RCAN1: variants seen among roughly 807,000 people sequenced by gnomAD.
RCAN1 encodes the protein regulator of calcineurin 1.
In RCAN1, 11 loss-of-function variants were observed where a neutral mutation model predicts 22.9. That is an observed-to-expected ratio of 0.48 (90% confidence interval 0.30 to 0.79). The LOEUF (loss-of-function observed/expected upper bound fraction) is 0.79, where lower values mean the gene tolerates loss of function less well. RCAN1 is among the 30% of genes least tolerant of loss of function. The probability of loss-of-function intolerance (pLI) is 0.06; values close to 1 mark genes in which losing one functional copy is unlikely to be tolerated. For synonymous variants in RCAN1, 136 were observed against 142.3 expected, an observed-to-expected ratio of 0.96 and a Z score of 0.32; for missense variants, 291 against 337.8, an observed-to-expected ratio of 0.86 and a Z score of 1.09.
chr21:34,611,763 G>A (rs973469126), intron 1 of RCAN1, among the ~76,000 whole-genome samples: 1 of 152,150 alleles, frequency 6.6e-6, no homozygotes, highest in Non-Finnish European at 1.5e-5. Context: ...TTAACAGTAA[G>A]ACTGCCACAT....
chr21:34,590,447 G>A (rs1243630800), intron 1 of RCAN1, among the ~76,000 whole-genome samples: 7 of 152,198 alleles, frequency 4.6e-5, no homozygotes, highest in African/African-American at 1.4e-4. Context: ...ACACCTCATA[G>A]GATACTAACT....
intron 1 of RCAN1, among the ~76,000 whole-genome samples, chr21:34,536,132 C>T (rs1439324514): frequency 3.9e-5 from 6 of 152,052 alleles, no homozygotes; most frequent in East Asian, 1.9e-4. Flanking sequence ...TTCTTGGAAA[C>T]GCACTGCTTG....
At chr21:34,525,300 C>T (rs1313197784) in intron 1 of RCAN1, 6 of 1,541,490 alleles carry the variant, frequency 3.9e-6, no homozygotes, top group Middle Eastern at 3.7e-4. Flanking sequence ...CGACCTTGCT[C>T]TCCTTGCATT....
At chr21:34,605,532 T>C (rs1484613397) in intron 1 of RCAN1, among the ~76,000 whole-genome samples, 5 of 152,200 alleles carry the variant, frequency 3.3e-5, no homozygotes, top group Non-Finnish European at 5.9e-5. Context: ...CTGTTTCCCG[T>C]AGGTAAAAAC....
chr21:34,594,006 C>G (rs1988062491), intron 1 of RCAN1, among the ~76,000 whole-genome samples: 1 of 152,064 alleles, frequency 6.6e-6, no homozygotes, highest in African/African-American at 2.4e-5. Flanking sequence ...ATAGGCAAGT[C>G]ATTATTTTCA....
chr21:34,574,857 G>A (rs946220598), intron 1 of RCAN1, among the ~76,000 whole-genome samples: 1 of 152,186 alleles, frequency 6.6e-6, no homozygotes, highest in Non-Finnish European at 1.5e-5. Flanking sequence ...TGCTTAGCTG[G>A]CATCGAAGAA....
At chr21:34,541,671 A>C (rs1408315230) in intron 1 of RCAN1, among the ~76,000 whole-genome samples, 1 of 152,252 alleles carries the variant, frequency 6.6e-6, no homozygotes, top group African/African-American at 2.4e-5. Flanking sequence ...GCGATGGCTC[A>C]CGCCTGTAAT....
At position 34,526,555 on chromosome 21, in the gene RCAN1, C is replaced by T. The variant is rs114614785; in HGVS notation, c.253-2845G>A. ...GAAAGACTTTGGATTTCTTTCAAAA[C>T]CCCCAAACCCACAAGAGAGCCACAT... On this transcript the variant is annotated intron_variant, in intron 1 of 3. Coordinates refer to ENST00000313806, the MANE Select transcript of RCAN1 (RefSeq NM_004414.7). The T allele has an allele frequency of 9.2e-4, 1,055 of 1,145,284 alleles. 3 individuals are homozygous for T. Among genetic ancestry groups the T allele is most frequent in the African/African-American group, 4.4e-3 (269 of 61,750 alleles). 70.9% of individuals were successfully genotyped at this position (1,145,284 alleles called of 1,614,324 possible). A position where few individuals can be genotyped will look rare whatever the true frequency, so the allele number is the denominator to read the frequency against.
At chr21:34,598,845 C>T (rs926974828) in intron 1 of RCAN1, among the ~76,000 whole-genome samples, 2 of 151,942 alleles carry the variant, frequency 1.3e-5, no homozygotes, top group African/African-American at 4.8e-5. Flanking sequence ...GCAAGATATA[C>T]ACAATCAGTT....
At chr21:34,568,038 T>C (rs1987094851) in intron 1 of RCAN1, among the ~76,000 whole-genome samples, 1 of 152,184 alleles carries the variant, frequency 6.6e-6, no homozygotes, top group East Asian at 1.9e-4. Flanking sequence ...CGGATCTGTA[T>C]GGCAATACTC....
intron 1 of RCAN1, among the ~76,000 whole-genome samples, chr21:34,603,385 C>T (rs1300503284): frequency 6.6e-6 from 1 of 152,004 alleles, no homozygotes; most frequent in East Asian, 1.9e-4. Flanking sequence ...TCCCGAAGTC[C>T]CCCGGTTTGT....
At chr21:34,609,556 A>G (rs1005185344) in intron 1 of RCAN1, among the ~76,000 whole-genome samples, 2 of 152,244 alleles carry the variant, frequency 1.3e-5, no homozygotes, top group Admixed American at 6.5e-5. Flanking sequence ...GAGACAAAGA[A>G]TATAGCCTGA....
intron 1 of RCAN1, among the ~76,000 whole-genome samples, chr21:34,569,726 G>A (rs1282045149): frequency 6.6e-6 from 1 of 152,258 alleles, no homozygotes; most frequent in Non-Finnish European, 1.5e-5. Context: ...GCCAGCAACT[G>A]TGCTAGGTGT....
chr21:34,521,365 G>T (rs1417451419), intron 3 of RCAN1, 134 bp downstream of exon 3: 2 of 1,543,656 alleles, frequency 1.3e-6, no homozygotes, highest in Non-Finnish European at 1.7e-6. Context: ...TGGCGCAGAA[G>T]AATACAGAGA....
chr21:34,530,617 T>TTG (rs1985329868), intron 1 of RCAN1, among the ~76,000 whole-genome samples: 1 of 13,716 alleles, frequency 7.3e-5, no homozygotes, highest in Non-Finnish European at 1.4e-4. Flanking sequence ...AGTGAAATAG[T>TTG]TTTTTTTTTT....
chr21:34,539,516 T>G (rs75023736), intron 1 of RCAN1, among the ~76,000 whole-genome samples: 2,101 of 152,370 alleles, frequency 0.014, 48 homozygotes, highest in African/African-American at 0.047. Flanking sequence ...TTATTTAGAT[T>G]CTAGCATGAA....
At chr21:34,560,874 A>G (rs753485661) in intron 1 of RCAN1, among the ~76,000 whole-genome samples, 55 of 152,310 alleles carry the variant, frequency 3.6e-4, no homozygotes, top group Middle Eastern at 6.8e-3. Context: ...CATTCTGACT[A>G]TACTCTTACA....
chr21:34,612,310 C>G (rs1344536358), intron 1 of RCAN1, among the ~76,000 whole-genome samples: 1 of 152,244 alleles, frequency 6.6e-6, no homozygotes, highest in Non-Finnish European at 1.5e-5. Context: ...CCAATCGCCT[C>G]TCTGTCTCTC....
At chr21:34,526,761 A>AC (rs200235747) in intron 1 of RCAN1, 24,680 of 1,609,932 alleles carry the variant, frequency 0.015, 235 homozygotes, top group Non-Finnish European at 0.018. Flanking sequence ...TTGCTTTCTT[A>AC]CAGTGAAAGC....
Sources: gnomAD v4.1 joint callset for allele counts (sites outside exome capture counted in the v4.1 genomes callset) on GRCh38, gnomAD v4.1.1 for gene constraint, MANE v1.5 for transcripts, NCBI Gene and HGNC (gene_info 2026-07-23, HGNC 2026-07-21) for gene names.